The following ARVCF variants were observed in gnomAD, a reference collection of about 807,000 sequenced individuals.
ARVCF encodes the protein ARVCF delta catenin family member.
A neutral mutation model predicts 90.9 loss-of-function variants in ARVCF; 66 were observed. The ratio of observed to expected loss-of-function variants is 0.73; its 90% CI spans 0.60 to 0.89. The LOEUF is 0.89. Among genes scored for constraint, ARVCF ranks in the 40% least tolerant of loss-of-function variants. The pLI is 0.00. For missense variants in ARVCF, 1,469 were observed against 1,382.3 expected (o/e 1.06, Z -1.00); for synonymous variants, 653 against 603.4 (o/e 1.08, Z -1.21).
intron 8 of ARVCF, 64 bp from the exon 9 acceptor site, chr22:19,977,650 A>G: frequency 2.0e-6 from 3 of 1,476,428 alleles, no homozygotes; most frequent in Non-Finnish European, 2.7e-6. Context: ...CTCAGGAAAG[A>G]CTGGCCACAG....
downstream of ARVCF, chr22:19,968,753 C>T (rs368314788): frequency 1.2e-5 from 19 of 1,604,432 alleles, no homozygotes; most frequent in Non-Finnish European, 1.6e-5. Flanking sequence ...CCCCGGCCCC[C>T]CTCTCGGGCT....
At chr22:19,977,682 G>C in intron 8 of ARVCF, 96 bp from the exon 9 acceptor site, 1 of 1,442,706 alleles carries the variant, frequency 6.9e-7, no homozygotes, top group Non-Finnish European at 9.2e-7. Context: ...GAGGGCACCG[G>C]GAGCAAAGGA....
intron 2 of ARVCF, among the ~76,000 whole-genome samples, chr22:20,003,216 C>CA (rs1251416726): frequency 2.6e-5 from 4 of 152,084 alleles, no homozygotes; most frequent in Non-Finnish European, 4.4e-5. Context: ...CAACTAGCAA[C>CA]AAAACTGAAT....
chr22:20,002,509 T>C (rs1449628420), intron 2 of ARVCF, among the ~76,000 whole-genome samples: 2 of 152,248 alleles, frequency 1.3e-5, no homozygotes, highest in African/African-American at 4.8e-5. Flanking sequence ...TGAGATCTTT[T>C]ACAAAGTTAA....
chr22:19,966,991 G>A (rs990751336), downstream of ARVCF: 62 of 985,314 alleles, frequency 6.3e-5, no homozygotes, highest in African/African-American at 1.0e-3. Context: ...CAGTTCTCCA[G>A]GTGGTCTGAG....
At chr22:19,998,291 C>T (rs1159265841) in intron 2 of ARVCF, among the ~76,000 whole-genome samples, 1 of 152,256 alleles carries the variant, frequency 6.6e-6, no homozygotes, top group African/African-American at 2.4e-5. Context: ...GCCCCTCTAT[C>T]ACCATGGAAA....
intron 2 of ARVCF, among the ~76,000 whole-genome samples, chr22:20,005,134 A>G (rs1360270209): frequency 3.3e-5 from 5 of 152,252 alleles, no homozygotes; most frequent in Admixed American, 2.6e-4. Flanking sequence ...TGTAAATCAT[A>G]TATCTGAAAA....
chr22:20,011,915 A>G (rs1183691709), intron 1 of ARVCF, among the ~76,000 whole-genome samples: 1 of 151,808 alleles, frequency 6.6e-6, no homozygotes, highest in Non-Finnish European at 1.5e-5. Context: ...ACCATGTGCC[A>G]CAGAACCGAG....
chr22:19,990,903 A>T, intron 2 of ARVCF, 91 bp from the exon 3 acceptor site: 1 of 1,283,678 alleles, frequency 7.8e-7, no homozygotes, highest in Non-Finnish European at 1.1e-6. Context: ...CAGACCATAC[A>T]ACTCACTCCC....
chr22:19,994,780 G>A (rs1420587764), intron 2 of ARVCF, among the ~76,000 whole-genome samples: 1 of 151,204 alleles, frequency 6.6e-6, no homozygotes, highest in Non-Finnish European at 1.5e-5. Context: ...TGGGTGGGTC[G>A]GGGGATGGTG....
rs117249364 is a variant in ARVCF at position 19,972,535 on chromosome 22, G to T, written c.2642-124C>A. 5,000 of 1,307,604 alleles carry T rather than the reference G, an allele frequency of 3.8e-3. 23 individuals are homozygous for T. Among genetic ancestry groups the T allele is most frequent in the Non-Finnish European group, 4.8e-3 (4,549 of 939,956 alleles). 81.0% of individuals were successfully genotyped at this position (1,307,604 alleles called of 1,614,324 possible). ...TCTGTCACTAAGGTGCCCAACCTCT[G>T]CCAGCTGGCAGCCTCACCCCAGCTT... On this transcript the variant is annotated intron_variant, in intron 16 of 19. Coordinates refer to ENST00000263207, the MANE Select transcript of ARVCF (RefSeq NM_001670.3).
intron 1 of ARVCF, among the ~76,000 whole-genome samples, chr22:20,016,208 C>T (rs2531715): frequency 0.66 from 100,232 of 152,148 alleles, 34,394 homozygotes; most frequent in Non-Finnish European, 0.77. Flanking sequence ...AAAGTTTCGG[C>T]GGCTGCAGGG....
At chr22:20,000,260 G>A (rs1367545701) in intron 2 of ARVCF, among the ~76,000 whole-genome samples, 2 of 152,224 alleles carry the variant, frequency 1.3e-5, no homozygotes, top group East Asian at 1.9e-4. Flanking sequence ...CTCCCAGGGT[G>A]CCTGGGGCAC....
chr22:19,985,486 C>T lies in ARVCF; in HGVS notation c.211-3395G>A, dbSNP rs75686659. ...CTGAGCCCAGCATAGGGGCTCTGGG[C>T]CCCATCACGCACCTTCGGCTCAGCT... On this transcript the variant is annotated intron_variant, in intron 3 of 19. Transcript: ENST00000263207. Among the ~76,000 whole-genome samples, 1,225 of 152,364 alleles carry T rather than the reference C, an allele frequency of 8.0e-3. 66 individuals carry two copies. Among genetic ancestry groups the T allele is most frequent in the Admixed American group, 0.07 (1,065 of 15,308 alleles).
chr22:19,971,426 GAT>G, intron 18 of ARVCF, 91 bp from the exon 19 acceptor site: 1 of 1,435,956 alleles, frequency 7.0e-7, no homozygotes, highest in Non-Finnish European at 9.2e-7. Flanking sequence ...CGAGGCTGGC[GAT>G]GTAAGGGTTG....
chr22:20,005,353 C>T (rs1049010555), intron 2 of ARVCF, among the ~76,000 whole-genome samples: 1 of 150,640 alleles, frequency 6.6e-6, no homozygotes, highest in South Asian at 2.1e-4. Flanking sequence ...TCACCTTACA[C>T]CTATTAGGAT....
intron 3 of ARVCF, among the ~76,000 whole-genome samples, chr22:19,990,170 C>T (rs541717089): frequency 2.0e-4 from 30 of 152,324 alleles, no homozygotes; most frequent in African/African-American, 7.0e-4. Flanking sequence ...ATGAGGCTCC[C>T]AGGTCAGCCT....
downstream of ARVCF, chr22:19,968,545 C>T (rs1257507083): frequency 1.4e-5 from 22 of 1,613,866 alleles, no homozygotes; most frequent in Non-Finnish European, 1.8e-5. Flanking sequence ...GGAATGTGGC[C>T]TGCTGCGGAA....
chr22:19,967,229 C>G, downstream of ARVCF: 1 of 1,303,462 alleles, frequency 7.7e-7, no homozygotes. Context: ...AGATTGGGCT[C>G]CTGAGTCCCC....
Sources: gnomAD v4.1 joint callset for allele counts (sites outside exome capture counted in the v4.1 genomes callset) on GRCh38, gnomAD v4.1.1 for gene constraint, MANE v1.5 for transcripts, NCBI Gene and HGNC (gene_info 2026-07-23, HGNC 2026-07-21) for gene names.